CCDC73: variants seen among roughly 807,000 people sequenced by gnomAD.
CCDC73 encodes coiled-coil domain containing 73, also known as coiled-coil domain-containing protein 73.
CCDC73 carries 95 observed loss-of-function variants against 116.5 expected under a neutral mutation model. The observed-to-expected ratio is 0.82, with a 90% confidence interval of 0.69 to 0.97. The LOEUF is 0.97. Ranked by LOEUF, CCDC73 falls within the 50% of genes least tolerant of loss-of-function variation. The pLI is 0.00. For synonymous variants in CCDC73, 398 were observed against 401.3 expected (o/e 0.99, Z 0.10); for missense variants, 1,066 against 1,206.8 (o/e 0.88, Z 1.73).
Position 32,642,044 on chromosome 11 carries a change from T to C in CCDC73, c.978A>G (p.Val326=), listed in dbSNP as rs779848967. 16 of 1,575,482 alleles carry C rather than the reference T, an allele frequency of 1.0e-5. No homozygotes were observed. Among genetic ancestry groups the C allele is most frequent in the African/African-American group, 1.4e-5 (1 of 73,690 alleles). Residue 326 remains valine, a synonymous_variant, in exon 13 of 18, where the codon GTA becomes GTG. Transcript: ENST00000335185. ...TAAGAAACTTTTCTTCATTTTCTTT[T>C]ACCTTCTCCCTTTGCAGCTCATTAT... ...ERDNELQREK[V]KENEEKFLNL... is the part of the protein sequence containing the mutation.
chr11:32,801,025 T>C, the CCDC73 span, among the ~76,000 whole-genome samples: 1 of 152,196 alleles, frequency 6.6e-6, no homozygotes, highest in Non-Finnish European at 1.5e-5. Context: ...GTCTCTTTGT[T>C]TTGCCCTCCT....
chr11:32,610,098 C>T (rs1342190745), intron 17 of CCDC73, among the ~76,000 whole-genome samples: 1 of 152,076 alleles, frequency 6.6e-6, no homozygotes, highest in Non-Finnish European at 1.5e-5. Flanking sequence ...CGGCAAAAGG[C>T]AGTTCTTACA....
At chr11:32,696,699 T>G (rs1239430806) in intron 6 of CCDC73, among the ~76,000 whole-genome samples, 1 of 151,384 alleles carries the variant, frequency 6.6e-6, no homozygotes, top group Non-Finnish European at 1.5e-5. Context: ...AATGCTGGGA[T>G]TACAGGCATG....
chr11:32,624,676 A>G (rs1471022400), intron 14 of CCDC73, among the ~76,000 whole-genome samples: 1 of 152,242 alleles, frequency 6.6e-6, no homozygotes, highest in African/African-American at 2.4e-5. Context: ...ATTACTAGGT[A>G]TATACCCAAA....
chr11:32,663,639 A>G (rs1855951739), intron 9 of CCDC73, among the ~76,000 whole-genome samples: 3 of 152,102 alleles, frequency 2.0e-5, no homozygotes, highest in African/African-American at 2.4e-5. Context: ...AGACAATTTG[A>G]CTTCCTCTTT....
intron 2 of CCDC73, among the ~76,000 whole-genome samples, chr11:32,749,601 T>C (rs574462720): frequency 6.6e-6 from 1 of 152,100 alleles, no homozygotes; most frequent in African/African-American, 2.4e-5. Context: ...TGTCTGGGCA[T>C]TGAAGAGTGG....
intron 9 of CCDC73, among the ~76,000 whole-genome samples, chr11:32,668,450 G>A (rs2133280151): frequency 6.6e-6 from 1 of 152,022 alleles, no homozygotes; most frequent in Non-Finnish European, 1.5e-5. Flanking sequence ...AAAGAGTAAT[G>A]AACATGATAT....
intron 14 of CCDC73, among the ~76,000 whole-genome samples, chr11:32,621,500 T>C (rs1358392567): frequency 6.6e-6 from 1 of 152,178 alleles, no homozygotes; most frequent in African/African-American, 2.4e-5. Context: ...ACCCCTTCCT[T>C]ACACCTTATA....
intron 17 of CCDC73, among the ~76,000 whole-genome samples, chr11:32,607,776 C>T (rs868008384): frequency 2.8e-4 from 42 of 151,380 alleles, no homozygotes; most frequent in East Asian, 5.8e-4. Flanking sequence ...TGTATTAGTC[C>T]GTTCTCACGC....
intron 6 of CCDC73, among the ~76,000 whole-genome samples, chr11:32,692,476 G>A (rs1396996): frequency 0.27 from 41,262 of 151,722 alleles, 6,500 homozygotes; most frequent in East Asian, 0.79. Context: ...ATTAAATATC[G>A]CTTTGGTTCT....
At chr11:32,810,868 C>A in the CCDC73 span, among the ~76,000 whole-genome samples, 1 of 152,134 alleles carries the variant, frequency 6.6e-6, no homozygotes, top group African/African-American at 2.4e-5. Context: ...CAGTGGCTCA[C>A]ACTTATAATC....
chr11:32,758,296 G>T (rs925838839), intron 2 of CCDC73: 9 of 485,628 alleles, frequency 1.9e-5, no homozygotes, highest in Non-Finnish European at 3.3e-5. Context: ...TATCATCATG[G>T]GCTTTCCTAC....
At chr11:32,753,376 C>A (rs1423783143) in intron 2 of CCDC73, among the ~76,000 whole-genome samples, 1 of 151,260 alleles carries the variant, frequency 6.6e-6, no homozygotes, top group African/African-American at 2.4e-5. Context: ...CAGCTCACTG[C>A]AGCCTTGACC....
intron 6 of CCDC73, among the ~76,000 whole-genome samples, chr11:32,691,357 T>C (rs7103758): frequency 4.5e-4 from 68 of 152,274 alleles, no homozygotes; most frequent in African/African-American, 1.5e-3. Flanking sequence ...CAACCACTTA[T>C]TTTTTTACTG....
chr11:32,759,418 C>G (rs1223792577), intron 2 of CCDC73, among the ~76,000 whole-genome samples: 1 of 150,692 alleles, frequency 6.6e-6, no homozygotes, highest in Non-Finnish European at 1.5e-5. Context: ...GCAACCTCCA[C>G]CTCCTGGGTT....
chr11:32,757,396 A>G (rs1203703654), intron 2 of CCDC73, among the ~76,000 whole-genome samples: 2 of 152,194 alleles, frequency 1.3e-5, no homozygotes, highest in African/African-American at 2.4e-5. Flanking sequence ...ATAATTTCCA[A>G]CTTATTTGGA....
At chr11:32,800,978 C>T in the CCDC73 span, among the ~76,000 whole-genome samples, 1 of 152,142 alleles carries the variant, frequency 6.6e-6, no homozygotes, top group African/African-American at 2.4e-5. Context: ...TGGAGGATTC[C>T]TGATGTGATT....
At chr11:32,799,585 A>G (rs2133415124), upstream of CCDC73, among the ~76,000 whole-genome samples, 1 of 152,204 alleles carries the variant, frequency 6.6e-6, no homozygotes, top group East Asian at 1.9e-4. Context: ...ATCCAGTCCT[A>G]ACCATAATTG....
intron 2 of CCDC73, among the ~76,000 whole-genome samples, chr11:32,757,124 G>T (rs763233856): frequency 1.3e-5 from 2 of 151,778 alleles, no homozygotes; most frequent in Non-Finnish European, 2.9e-5. Flanking sequence ...AAAACGAACT[G>T]ACTACAAACA....
Sources: allele counts gnomAD v4.1 joint callset (sites outside exome capture counted in the v4.1 genomes callset), GRCh38; gene constraint gnomAD v4.1.1; transcripts MANE v1.5; gene names NCBI Gene and HGNC (gene_info 2026-07-23, HGNC 2026-07-21).